Variants in SLC7A1 observed in about 807,000 individuals in gnomAD.
The protein encoded by SLC7A1 is solute carrier family 7 member 1.
A neutral mutation model predicts 53.9 loss-of-function variants in SLC7A1; 10 were observed. The observed-to-expected ratio is 0.19, with a 90% CI of 0.11 to 0.31. The LOEUF (loss-of-function observed/expected upper bound fraction) is 0.31, where lower values mean the gene tolerates loss of function less well. Ranked by LOEUF, SLC7A1 falls within the 10% of genes least tolerant of loss-of-function variation. The probability of loss-of-function intolerance (pLI) is 1.00; values close to 1 mark genes in which losing one functional copy is unlikely to be tolerated. For synonymous variants in SLC7A1, 342 were observed against 338.7 expected, an observed-to-expected ratio of 1.01 and a Z score of -0.11; for missense variants, 525 against 827.2, an observed-to-expected ratio of 0.63 and a Z score of 4.48.
At position 29,530,721 on chromosome 13, in the gene SLC7A1, G is replaced by T; in HGVS notation, c.530-9C>A. 2 of 1,612,226 alleles carry T rather than the reference G, an allele frequency of 1.2e-6. No homozygotes were observed. Among genetic ancestry groups the T allele is most frequent in the Non-Finnish European group, 1.7e-6 (2 of 1,178,560 alleles). On this transcript the variant is annotated splice_polypyrimidine_tract_variant and intron_variant, in intron 4 of 12. Transcript: ENST00000380752. ...ACCAAGAGTTAAAAGTCCTGAAAAAGTGCATAGACACAAAACTTTGTCTGA... is the reference window on the plus strand; with the variant it reads ...ACCAAGAGTTAAAAGTCCTGAAAAATTGCATAGACACAAAACTTTGTCTGA...
intron 2 of SLC7A1, among the ~76,000 whole-genome samples, chr13:29,549,665 ATTGT>A (rs1343397762): frequency 1.3e-5 from 2 of 152,132 alleles, no homozygotes; most frequent in Admixed American, 6.5e-5. Context: ...GGTTACATCT[ATTGT>A]TTGTTTGTTT....
At chr13:29,539,911 A>T (rs1193644970) in intron 2 of SLC7A1, among the ~76,000 whole-genome samples, 1 of 152,160 alleles carries the variant, frequency 6.6e-6, no homozygotes, top group Non-Finnish European at 1.5e-5. Context: ...GTTCATTCCT[A>T]CTTCCCAGGG....
chr13:29,581,849 T>C (rs1048057579), intron 1 of SLC7A1, among the ~76,000 whole-genome samples: 30 of 152,356 alleles, frequency 2.0e-4, no homozygotes, highest in African/African-American at 7.2e-4. Context: ...CCCAGCCTTC[T>C]GGAGGAATCA....
At chr13:29,580,101 C>T (rs895894048) in intron 1 of SLC7A1, among the ~76,000 whole-genome samples, 5 of 152,200 alleles carry the variant, frequency 3.3e-5, no homozygotes, top group African/African-American at 1.2e-4. Flanking sequence ...CATCTTAGTG[C>T]AAGCTCTTCA....
intron 2 of SLC7A1, among the ~76,000 whole-genome samples, chr13:29,537,747 T>G (rs1037868745): frequency 2.6e-5 from 4 of 152,254 alleles, no homozygotes; most frequent in African/African-American, 4.8e-5. Flanking sequence ...TGCACAGATA[T>G]GCTATCGTCA....
intron 1 of SLC7A1, among the ~76,000 whole-genome samples, chr13:29,563,595 G>A (rs1456695182): frequency 6.6e-6 from 1 of 152,174 alleles, no homozygotes; most frequent in Non-Finnish European, 1.5e-5. Context: ...CCATCGCAAT[G>A]AATCCAGGCT....
intron 2 of SLC7A1, among the ~76,000 whole-genome samples, chr13:29,541,756 C>G (rs1465317964): frequency 6.6e-6 from 1 of 151,780 alleles, no homozygotes; most frequent in Non-Finnish European, 1.5e-5. Context: ...ATGAGAAAAA[C>G]CCTTCCCGTC....
chr13:29,545,918 G>C (rs1869900622), intron 2 of SLC7A1, among the ~76,000 whole-genome samples: 1 of 152,230 alleles, frequency 6.6e-6, no homozygotes, highest in South Asian at 2.1e-4. Flanking sequence ...AGGATGAGTG[G>C]AGAGTTGATG....
intron 1 of SLC7A1, among the ~76,000 whole-genome samples, chr13:29,568,558 T>C (rs545465989): frequency 3.3e-5 from 5 of 152,352 alleles, no homozygotes; most frequent in Admixed American, 6.5e-5. Context: ...GTGCATTCCC[T>C]AAAATCACCT....
At chr13:29,586,011 G>T (rs1053035870) in intron 1 of SLC7A1, among the ~76,000 whole-genome samples, 1 of 152,200 alleles carries the variant, frequency 6.6e-6, no homozygotes, top group Non-Finnish European at 1.5e-5. Context: ...TGGCCCAAAG[G>T]TTCCTTAGTT....
chr13:29,532,832 A>G lies in SLC7A1; in HGVS notation c.521T>C (p.Ile174Thr), dbSNP rs773721438. The G allele has an allele frequency of 3.3e-5, 54 of 1,612,350 alleles. No homozygotes were observed. The highest frequency in any genetic ancestry group is 4.1e-5 in the Non-Finnish European group (48 of 1,178,858). The change falls in exon 4 of 13, where the codon ATC becomes ACC. Residue 174 changes from isoleucine (I) to threonine (T), a missense_variant. Transcript: ENST00000380752. ...TTAAGTGTGGGCTTTACCTGTCAAG[A>G]TGAGAATTATGATCACTGCGAATAT... is the stretch of plus-strand genomic sequence containing the variant. ...PDIFAVIIIL[I>T]LTGLLTLGVK...
chr13:29,576,929 A>G (rs1871437080), intron 1 of SLC7A1, among the ~76,000 whole-genome samples: 1 of 150,972 alleles, frequency 6.6e-6, no homozygotes, highest in Non-Finnish European at 1.5e-5. Flanking sequence ...CAACACCTCT[A>G]CTCCTCTTCC....
intron 1 of SLC7A1, among the ~76,000 whole-genome samples, chr13:29,561,580 G>C (rs1870757982): frequency 6.6e-6 from 1 of 152,176 alleles, no homozygotes; most frequent in Admixed American, 6.5e-5. Context: ...ATATTGTCTT[G>C]AAATTTCCAT....
At chr13:29,526,826 G>T (rs751559405) in intron 5 of SLC7A1, among the ~76,000 whole-genome samples, 9 of 152,252 alleles carry the variant, frequency 5.9e-5, no homozygotes, top group Non-Finnish European at 1.3e-4. Context: ...CCTCAGGACA[G>T]TTGCAGAAGA....
chr13:29,517,817 C>T (rs1868427400), intron 9 of SLC7A1, 27 bp from the exon 10 acceptor site: 2 of 1,579,070 alleles, frequency 1.3e-6, no homozygotes, highest in African/African-American at 2.7e-5. Flanking sequence ...TGCGTGACCG[C>T]CACATCTGCT....
chr13:29,543,664 G>A (rs1413515648), intron 2 of SLC7A1, among the ~76,000 whole-genome samples: 5 of 151,902 alleles, frequency 3.3e-5, no homozygotes, highest in East Asian at 3.9e-4. Context: ...AGAAGGGTGG[G>A]GAGGAGGCAG....
intron 2 of SLC7A1, among the ~76,000 whole-genome samples, chr13:29,539,622 G>C (rs1026793619): frequency 6.6e-6 from 1 of 152,162 alleles, no homozygotes; most frequent in African/African-American, 2.4e-5. Flanking sequence ...GGTACGCAGC[G>C]GCCCGTTTTA....
intron 1 of SLC7A1, among the ~76,000 whole-genome samples, chr13:29,587,976 G>A (rs953777078): frequency 2.0e-5 from 3 of 152,184 alleles, no homozygotes; most frequent in African/African-American, 7.2e-5. Flanking sequence ...CTCAGCCTCT[G>A]AGCTGGAATT....
chr13:29,554,063 C>G (rs929504615), intron 1 of SLC7A1, among the ~76,000 whole-genome samples: 3 of 152,284 alleles, frequency 2.0e-5, no homozygotes, highest in East Asian at 1.9e-4. Flanking sequence ...AGATGGGGAG[C>G]CAGAATAGAT....
Sources: gnomAD v4.1 joint callset for allele counts (sites outside exome capture counted in the v4.1 genomes callset) on GRCh38, gnomAD v4.1.1 for gene constraint, MANE v1.5 for transcripts, NCBI Gene and HGNC (gene_info 2026-07-23, HGNC 2026-07-21) for gene names.